Variants in GAP43 observed in about 807,000 individuals in gnomAD.
The protein encoded by GAP43 is growth associated protein 43.
A neutral mutation model predicts 18.6 loss-of-function variants in GAP43; 6 were observed. That is an observed-to-expected ratio of 0.32 (90% CI 0.18 to 0.64). The LOEUF is 0.64. GAP43 is among the 30% of genes least tolerant of loss of function. The pLI is 0.78. For synonymous variants in GAP43, 115 were observed against 111.4 expected (o/e 1.03, Z -0.20); for missense variants, 292 against 295.5 (o/e 0.99, Z 0.09).
At chr3:115,700,254 G>T (rs1709281032) in intron 2 of GAP43, among the ~76,000 whole-genome samples, 1 of 152,162 alleles carries the variant, frequency 6.6e-6, no homozygotes, top group South Asian at 2.1e-4. Context: ...TATGCACATT[G>T]TCCAAACCAT....
chr3:115,661,044 G>A (rs1323482782), intron 1 of GAP43: 5 of 152,098 alleles, frequency 3.3e-5, no homozygotes, highest in Admixed American at 6.5e-5. Context: ...GTGATCCTTT[G>A]TATAGTGACT....
chr3:115,646,562 A>G (rs549293761), intron 1 of GAP43, among the ~76,000 whole-genome samples: 24 of 152,104 alleles, frequency 1.6e-4, no homozygotes, highest in Non-Finnish European at 3.5e-4. Flanking sequence ...CTCTAATGAA[A>G]GAGAAAAAGA....
chr3:115,671,200 G>A (rs1005739802), intron 1 of GAP43, among the ~76,000 whole-genome samples: 1 of 152,182 alleles, frequency 6.6e-6, no homozygotes, highest in Non-Finnish European at 1.5e-5. Context: ...GAATGCAAAT[G>A]TTTGGACATT....
intron 2 of GAP43, among the ~76,000 whole-genome samples, chr3:115,698,599 T>C (rs1709255084): frequency 6.6e-6 from 1 of 151,240 alleles, no homozygotes; most frequent in Non-Finnish European, 1.5e-5. Flanking sequence ...ACTTGGAAAG[T>C]GGAGTGGAAA....
intron 1 of GAP43, among the ~76,000 whole-genome samples, chr3:115,654,630 T>C (rs981819497): frequency 3.9e-5 from 6 of 152,206 alleles, no homozygotes; most frequent in Admixed American, 3.3e-4. Flanking sequence ...TGGCTTTTTT[T>C]CTCCTCCAGC....
At chr3:115,718,266 G>A (rs1056031198) in intron 2 of GAP43, among the ~76,000 whole-genome samples, 1 of 152,186 alleles carries the variant, frequency 6.6e-6, no homozygotes, top group Middle Eastern at 3.4e-3. Context: ...TTGCTTCTTG[G>A]AACTGATAAG....
chr3:115,675,098 G>A (rs192071033), intron 1 of GAP43, among the ~76,000 whole-genome samples: 3 of 152,034 alleles, frequency 2.0e-5, no homozygotes, highest in African/African-American at 7.2e-5. Context: ...TTGAGACAGG[G>A]TCTCAATCTG....
At chr3:115,666,914 G>T (rs1351513128) in intron 1 of GAP43, among the ~76,000 whole-genome samples, 1 of 152,142 alleles carries the variant, frequency 6.6e-6, no homozygotes, top group Non-Finnish European at 1.5e-5. Flanking sequence ...GATGAGGATT[G>T]AATTGAAATA....
intron 2 of GAP43, among the ~76,000 whole-genome samples, chr3:115,680,577 T>A (rs1241058429): frequency 1.3e-5 from 2 of 152,182 alleles, no homozygotes; most frequent in African/African-American, 4.8e-5. Context: ...ATCATATTCA[T>A]AATCTCAATT....
At chr3:115,658,250 GT>G (rs542456716) in intron 1 of GAP43, among the ~76,000 whole-genome samples, 115 of 151,128 alleles carry the variant, frequency 7.6e-4, no homozygotes, top group Non-Finnish European at 1.5e-3. Flanking sequence ...AACTTTTTTG[GT>G]TTTTTTTTCC....
intron 1 of GAP43, among the ~76,000 whole-genome samples, chr3:115,673,944 A>G (rs903215696): frequency 7.9e-5 from 12 of 152,208 alleles, no homozygotes; most frequent in African/African-American, 2.7e-4. Context: ...CATGTAGCTC[A>G]TTTTCAAAAA....
chr3:115,661,300 A>G (rs921048946), intron 1 of GAP43: 10 of 152,000 alleles, frequency 6.6e-5, no homozygotes, highest in Admixed American at 6.6e-4. Flanking sequence ...GCACTTCTGC[A>G]TGTGACGCCT....
At position 115,631,424 on chromosome 3, in the gene GAP43, T is replaced by A. The variant is rs548287940; in HGVS notation, c.30+7705T>A. On this transcript the variant is annotated intron_variant, in intron 1 of 2. Coordinates refer to ENST00000305124, the MANE Select transcript of GAP43 (RefSeq NM_002045.4). ...CTTCTTAAAATTAGGTTGGTGTGAG[T>A]CTCAAATAAAGAGATAACAATAAAA... Among the ~76,000 whole-genome samples, 28 of 152,240 alleles carry A rather than the reference T, an allele frequency of 1.8e-4. No individual in the cohort carries two copies. The South Asian group carries it at 2.9e-3, about 16-fold the overall frequency.
intron 2 of GAP43, among the ~76,000 whole-genome samples, chr3:115,706,833 TTA>T (rs1157200207): frequency 6.6e-6 from 1 of 152,178 alleles, no homozygotes; most frequent in African/African-American, 2.4e-5. Flanking sequence ...TGGCTGTGAG[TTA>T]TGATTGGATA....
At chr3:115,642,295 T>G (rs925132327) in intron 1 of GAP43, among the ~76,000 whole-genome samples, 4 of 152,028 alleles carry the variant, frequency 2.6e-5, no homozygotes, top group Non-Finnish European at 4.4e-5. Context: ...AAGACCAATT[T>G]TAGACACAAT....
chr3:115,667,583 T>C (rs1303753230), intron 1 of GAP43, among the ~76,000 whole-genome samples: 1 of 152,188 alleles, frequency 6.6e-6, no homozygotes, highest in Non-Finnish European at 1.5e-5. Flanking sequence ...GGAAGGAAGA[T>C]TGTTTTATGC....
chr3:115,701,341 TG>T (rs1327559507), intron 2 of GAP43, among the ~76,000 whole-genome samples: 1 of 152,046 alleles, frequency 6.6e-6, no homozygotes, highest in Non-Finnish European at 1.5e-5. Flanking sequence ...CTCTTTCAGG[TG>T]AGTTCTGTAC....
chr3:115,682,557 GAC>G (rs1310495123), intron 2 of GAP43, among the ~76,000 whole-genome samples: 1 of 152,026 alleles, frequency 6.6e-6, no homozygotes, highest in Non-Finnish European at 1.5e-5. Flanking sequence ...TCTTTTTTGA[GAC>G]AGAGTCTCGC....
chr3:115,707,563 T>C (rs889799620), intron 2 of GAP43, among the ~76,000 whole-genome samples: 1 of 152,150 alleles, frequency 6.6e-6, no homozygotes, highest in African/African-American at 2.4e-5. Flanking sequence ...AGTGCTGAGA[T>C]TACAGGCATC....
Sources: gnomAD v4.1 joint callset for allele counts (sites outside exome capture counted in the v4.1 genomes callset) on GRCh38, gnomAD v4.1.1 for gene constraint, MANE v1.5 for transcripts, NCBI Gene and HGNC (gene_info 2026-07-23, HGNC 2026-07-21) for gene names.